KALRN: variants seen among roughly 807,000 people sequenced by gnomAD.
The protein encoded by KALRN is kalirin RhoGEF kinase.
In KALRN, 70 loss-of-function variants were observed where a neutral mutation model predicts 353.7. The observed-to-expected ratio is 0.20, with a 90% CI of 0.16 to 0.24. The LOEUF is 0.24. Ranked by LOEUF, KALRN falls within the 10% of genes least tolerant of loss-of-function variation. The pLI, the probability that KALRN is intolerant of heterozygous loss-of-function variation, is 1.00. For synonymous variants in KALRN, 1,391 were observed against 1,434.8 expected (o/e 0.97, Z 0.69); for missense variants, 2,791 against 3,756.7 (o/e 0.74, Z 6.72).
intron 3 of KALRN, among the ~76,000 whole-genome samples, chr3:124,243,256 C>G (rs948156671): frequency 2.0e-5 from 3 of 152,158 alleles, no homozygotes; most frequent in Non-Finnish European, 4.4e-5. Flanking sequence ...CCTGCACAGT[C>G]CATGTGGGGC....
chr3:124,034,571 C>G (rs1216741426), intron 1 of KALRN, among the ~76,000 whole-genome samples: 2 of 151,920 alleles, frequency 1.3e-5, no homozygotes, highest in Non-Finnish European at 2.9e-5. Context: ...CTTTCTAGCT[C>G]TTTGCGCCCC....
chr3:124,451,074 T>C (rs2058729801), intron 21 of KALRN, among the ~76,000 whole-genome samples: 1 of 152,076 alleles, frequency 6.6e-6, no homozygotes, highest in African/African-American at 2.4e-5. Context: ...ATTATCTCAT[T>C]ATAAGGAATA....
intron 34 of KALRN, among the ~76,000 whole-genome samples, chr3:124,572,115 G>C (rs2073582711): frequency 2.0e-5 from 3 of 151,308 alleles, no homozygotes; most frequent in Admixed American, 2.0e-4. Flanking sequence ...TTGAGCTCAG[G>C]AGTTCTAGAC....
At chr3:124,168,762 A>G (rs961126618) in intron 1 of KALRN, among the ~76,000 whole-genome samples, 2 of 152,242 alleles carry the variant, frequency 1.3e-5, no homozygotes, top group Admixed American at 1.3e-4. Flanking sequence ...TGGTAACTAC[A>G]GCCACATGCC....
At position 124,278,635 on chromosome 3, in the gene KALRN, G is replaced by A. The variant is rs535920354; in HGVS notation, c.969+9380G>A. Among the ~76,000 whole-genome samples the A allele has an allele frequency of 9.2e-5, 14 of 152,188 alleles. No individual in the cohort carries two copies. In the South Asian group the frequency reaches 2.3e-3, roughly 25 times the overall value. ...GGAGGAGAGTGTAGGGCAGTGCAGG[G>A]AAAATCAGAGTTTATAAAGTAAAAC... On this transcript the variant is annotated intron_variant, in intron 5 of 59. Coordinates refer to ENST00000682506, the MANE Select transcript of KALRN (RefSeq NM_001388419.1).
intron 47 of KALRN, among the ~76,000 whole-genome samples, chr3:124,667,416 A>T (rs2085777397): frequency 6.6e-6 from 1 of 152,246 alleles, no homozygotes; most frequent in African/African-American, 2.4e-5. Context: ...TTTCACTTAT[A>T]GGACACAGGA....
rs61590403 is a variant in KALRN at position 124,651,686 on chromosome 3, A to G, written c.5795+748A>G. On this transcript the variant is annotated intron_variant, in intron 38 of 59. Transcript: ENST00000682506. ...AGGGTCTTGCTTGGTCACCCAGACT[A>G]AAGTACAGTGGTATGATCATAGCTC... Among the ~76,000 whole-genome samples the G allele has an allele frequency of 9.4e-3, 1,398 of 148,784 alleles. 24 individuals carry two copies. The highest frequency in any genetic ancestry group is 0.033 in the African/African-American group (1,340 of 40,126).
chr3:124,659,237 C>T, intron 42 of KALRN, 128 bp from the exon 43 acceptor site: 1 of 716,466 alleles, frequency 1.4e-6, no homozygotes, highest in South Asian at 1.6e-5. Context: ...TTACCTCTCA[C>T]ATTACTTAAA....
intron 6 of KALRN, among the ~76,000 whole-genome samples, chr3:124,316,293 C>T (rs2078803779): frequency 6.6e-6 from 1 of 152,206 alleles, no homozygotes; most frequent in Non-Finnish European, 1.5e-5. Context: ...TGCTCCCCAG[C>T]AGTCCATTCT....
At chr3:124,690,727 C>T (rs1211204496) in intron 51 of KALRN, among the ~76,000 whole-genome samples, 1 of 152,210 alleles carries the variant, frequency 6.6e-6, no homozygotes, top group Non-Finnish European at 1.5e-5. Flanking sequence ...ATTTGCTCTG[C>T]ACTTCCTCCA....
chr3:124,513,139 G>T (rs1418780812), intron 33 of KALRN, among the ~76,000 whole-genome samples: 1 of 152,180 alleles, frequency 6.6e-6, no homozygotes, highest in Admixed American at 6.5e-5. Context: ...TGAAGGTCAG[G>T]AGCCTTGGAC....
At chr3:124,474,165 C>T (rs999975447) in intron 25 of KALRN, among the ~76,000 whole-genome samples, 5 of 152,142 alleles carry the variant, frequency 3.3e-5, no homozygotes, top group Admixed American at 3.3e-4. Context: ...TATTATAAAA[C>T]ATTGTTTAAT....
intron 1 of KALRN, among the ~76,000 whole-genome samples, chr3:124,130,157 A>G (rs909679661): frequency 1.3e-5 from 2 of 152,198 alleles, no homozygotes; most frequent in African/African-American, 4.8e-5. Context: ...TATAAATTAA[A>G]GTTCCTGATT....
chr3:124,554,943 T>C (rs746729992), intron 33 of KALRN, among the ~76,000 whole-genome samples: 1 of 152,208 alleles, frequency 6.6e-6, no homozygotes. Context: ...ATGTGGCTGC[T>C]AGCATTCTGG....
At chr3:124,277,722 G>C (rs570182419) in intron 5 of KALRN, among the ~76,000 whole-genome samples, 12 of 152,316 alleles carry the variant, frequency 7.9e-5, no homozygotes, top group African/African-American at 2.6e-4. Flanking sequence ...GAAGGATGGG[G>C]AAGAATGCTC....
At chr3:124,256,900 G>A (rs1345436450) in intron 3 of KALRN, among the ~76,000 whole-genome samples, 1 of 152,196 alleles carries the variant, frequency 6.6e-6, no homozygotes, top group Non-Finnish European at 1.5e-5. Flanking sequence ...GTAGGTGTCT[G>A]AGCACATGCA....
chr3:124,656,486 C>T (rs1415805219), intron 39 of KALRN, among the ~76,000 whole-genome samples: 1 of 152,146 alleles, frequency 6.6e-6, no homozygotes, highest in Non-Finnish European at 1.5e-5. Context: ...TGGTGGGCGC[C>T]TGTAGTCCCA....
In KALRN at chr3:124,364,444, C is replaced by A. The variant is rs1468398068; in HGVS notation, c.1770+17179C>A. ...TATGTGGGGAGACTTTGATCTCCTG[C>A]AGCTTCTCTGCTCTGAGGAAATGTT... On this transcript the variant is annotated intron_variant, in intron 10 of 59. Coordinates refer to ENST00000682506, the MANE Select transcript of KALRN (RefSeq NM_001388419.1). Among the ~76,000 whole-genome samples, 7 of 152,190 alleles carry A rather than the reference C, an allele frequency of 4.6e-5. No homozygotes were observed. In the East Asian group the frequency reaches 1.3e-3, roughly 29 times the overall value.
At chr3:124,287,807 A>G (rs1361017432) in intron 5 of KALRN, among the ~76,000 whole-genome samples, 20 of 20,722 alleles carry the variant, frequency 9.7e-4, no homozygotes, top group Admixed American at 2.9e-3. Context: ...ATATATATAT[A>G]TATATATATA....
Sources: allele counts gnomAD v4.1 joint callset (sites outside exome capture counted in the v4.1 genomes callset), GRCh38; gene constraint gnomAD v4.1.1; transcripts MANE v1.5; gene names NCBI Gene and HGNC (gene_info 2026-07-23, HGNC 2026-07-21).